Variants in VIPR2 observed in about 807,000 individuals in gnomAD.
VIPR2 encodes the protein vasoactive intestinal peptide receptor 2.
In VIPR2, 48 loss-of-function variants were observed where a neutral mutation model predicts 58.0. That is an observed-to-expected ratio of 0.83 (90% CI 0.66 to 1.05). The LOEUF (loss-of-function observed/expected upper bound fraction) is 1.05. Among genes scored for constraint, VIPR2 ranks in the 50% least tolerant of loss-of-function variants. The pLI is 0.00. For missense variants in VIPR2, 534 were observed against 558.0 expected, an observed-to-expected ratio of 0.96 and a Z score of 0.43; for synonymous variants, 243 against 235.2, an observed-to-expected ratio of 1.03 and a Z score of -0.30.
At chr7:159,044,754 G>A (rs1401648565) in intron 5 of VIPR2, among the ~76,000 whole-genome samples, 2 of 151,964 alleles carry the variant, frequency 1.3e-5, no homozygotes, top group African/African-American at 4.8e-5. Context: ...AAGATTCACT[G>A]GGGTAGGCCA....
At chr7:159,111,525 C>T (rs1796001682) in intron 2 of VIPR2, among the ~76,000 whole-genome samples, 1 of 151,688 alleles carries the variant, frequency 6.6e-6, no homozygotes, top group Non-Finnish European at 1.5e-5. Context: ...ACTAAAAATA[C>T]AAAAATTAGC....
intron 2 of VIPR2, among the ~76,000 whole-genome samples, chr7:159,111,816 G>T (rs936478703): frequency 1.3e-5 from 2 of 152,100 alleles, no homozygotes; most frequent in Non-Finnish European, 2.9e-5. Flanking sequence ...CAAGACCAGC[G>T]TGGGCAACAT....
Position 159,032,035 on chromosome 7 carries a change from G to A in VIPR2, c.1004C>T (p.Pro335Leu), listed in dbSNP as rs767952595. The A allele has an allele frequency of 3.1e-6, 5 of 1,614,074 alleles. No individual in the cohort carries two copies. In the Admixed American group the frequency reaches 5.0e-5, roughly 16 times the overall value. The change falls in exon 11 of 13, where the codon CCG (proline) becomes CTG (leucine). Residue 335 changes from proline (P) to leucine (L), a missense_variant. Around this residue, in one of 3 missense-constraint regions of VIPR2, gnomAD observed 306 missense variants for 285.8 expected, o/e 1.07. Coordinates refer to ENST00000262178, the MANE Select transcript of VIPR2 (RefSeq NM_003382.5). ...RLAKSTLLLI[P>L]LFGVHYMVFA... ...CACCATGTAGTGGACGCCGAACAGC[G>A]GGATAAGCAGGAGCGTGGACTTGGC...
chr7:159,065,515 C>A (rs1200238265), intron 4 of VIPR2, among the ~76,000 whole-genome samples: 2 of 152,212 alleles, frequency 1.3e-5, no homozygotes, highest in East Asian at 3.9e-4. Flanking sequence ...GGATTCTCTG[C>A]GTTTAAGCTC....
chr7:159,142,072 C>T (rs1393350338), intron 2 of VIPR2, among the ~76,000 whole-genome samples: 1 of 152,210 alleles, frequency 6.6e-6, no homozygotes, highest in Non-Finnish European at 1.5e-5. Flanking sequence ...AGATCAAAAT[C>T]ATCTGTCCTA....
At chr7:159,071,470 T>C (rs957866885) in intron 4 of VIPR2, among the ~76,000 whole-genome samples, 1 of 152,204 alleles carries the variant, frequency 6.6e-6, no homozygotes, top group Non-Finnish European at 1.5e-5. Flanking sequence ...GGCTTTTCCA[T>C]GGGCATCGCG....
intron 2 of VIPR2, among the ~76,000 whole-genome samples, chr7:159,119,798 G>A (rs947644344): frequency 1.3e-5 from 2 of 152,214 alleles, no homozygotes; most frequent in Admixed American, 1.3e-4. Context: ...TTCCTACCCA[G>A]AGCTGTCCAG....
chr7:159,066,376 T>G (rs1856094064), intron 4 of VIPR2, among the ~76,000 whole-genome samples: 1 of 150,362 alleles, frequency 6.7e-6, no homozygotes, highest in African/African-American at 2.5e-5. Context: ...ACACCATCCG[T>G]GGGATTCTAG....
chr7:159,085,185 A>G lies in VIPR2; in HGVS notation c.357+18572T>C, dbSNP rs1857107760. On this transcript the variant is annotated intron_variant, in intron 4 of 12. Coordinates refer to ENST00000262178, the MANE Select transcript of VIPR2 (RefSeq NM_003382.5). ...GTCAGGACCATCGTCATGATGGTGCAGCATTTTGCAATTTACAAAACGAAT... is the reference window on the plus strand; with the variant it reads ...GTCAGGACCATCGTCATGATGGTGCGGCATTTTGCAATTTACAAAACGAAT... 2.0e-5 allele frequency among the ~76,000 whole-genome samples: 3 copies of G among 152,236 alleles called. No homozygotes were observed. In the South Asian group the frequency reaches 6.2e-4, roughly 31 times the overall value.
At chr7:159,104,535 T>C (rs1187221370) in intron 3 of VIPR2, among the ~76,000 whole-genome samples, 3 of 101,050 alleles carry the variant, frequency 3.0e-5, no homozygotes, top group African/African-American at 4.0e-5. Context: ...GCACCCTCCC[T>C]CCTCCCAGCA....
At chr7:159,058,340 A>G (rs2129493997) in intron 5 of VIPR2, 141 bp downstream of exon 5, 2 of 688,772 alleles carry the variant, frequency 2.9e-6, no homozygotes, top group East Asian at 2.5e-5. Context: ...TGTTAACATC[A>G]TATTTAATGG....
chr7:159,140,358 T>C (rs1426583939), intron 2 of VIPR2, among the ~76,000 whole-genome samples: 3 of 152,202 alleles, frequency 2.0e-5, no homozygotes, highest in Admixed American at 1.3e-4. Flanking sequence ...TAGATTCCGG[T>C]TCACATCGCT....
chr7:159,103,778 G>A lies in VIPR2; in HGVS notation c.336C>T (p.Ser112=), dbSNP rs759467016. 16 of 1,613,930 alleles carry A rather than the reference G, an allele frequency of 9.9e-6. No individual in the cohort carries two copies. The African/African-American group carries it at 1.2e-4, about 12-fold the overall frequency. ...CTACCTTGCTCTCATCCTCCGGGTC[G>A]CTGTAGCCACAGGCATCGACGAAAT... ...FPDFVDACGY[S]DPEDESKITF... is the part of the protein sequence containing the mutation. The change falls in exon 4 of 13, where the codon AGC becomes AGT. Residue 112 remains serine (S), a synonymous_variant. Coordinates refer to ENST00000262178, the MANE Select transcript of VIPR2 (RefSeq NM_003382.5).
At chr7:159,062,202 G>A (rs576708012) in intron 4 of VIPR2, among the ~76,000 whole-genome samples, 35 of 152,336 alleles carry the variant, frequency 2.3e-4, no homozygotes, top group Non-Finnish European at 4.1e-4. Flanking sequence ...ACACCCCGAA[G>A]GGTTCAGCCT....
At chr7:159,075,303 A>G (rs1030503766) in intron 4 of VIPR2, among the ~76,000 whole-genome samples, 3 of 152,242 alleles carry the variant, frequency 2.0e-5, no homozygotes, top group African/African-American at 7.2e-5. Flanking sequence ...ACACCTCAGC[A>G]CATTGTAGCC....
intron 3 of VIPR2, among the ~76,000 whole-genome samples, chr7:159,108,659 G>A (rs1795867566): frequency 6.6e-6 from 1 of 152,220 alleles, no homozygotes; most frequent in Admixed American, 6.5e-5. Flanking sequence ...CTGTCTGGCA[G>A]AGGCTGGACT....
intron 2 of VIPR2, among the ~76,000 whole-genome samples, chr7:159,110,411 G>T (rs1324802752): frequency 6.6e-6 from 1 of 152,204 alleles, no homozygotes; most frequent in African/African-American, 2.4e-5. Flanking sequence ...CAAATAATTT[G>T]CATAATGCAT....
At chr7:159,048,607 T>A (rs765758099) in intron 5 of VIPR2, among the ~76,000 whole-genome samples, 3 of 152,258 alleles carry the variant, frequency 2.0e-5, no homozygotes, top group African/African-American at 4.8e-5. Context: ...ACTGATTACA[T>A]ATTGAAGTAG....
At chr7:159,110,573 G>T (rs1306418371) in intron 2 of VIPR2, among the ~76,000 whole-genome samples, 1 of 68,658 alleles carries the variant, frequency 1.5e-5, no homozygotes, top group Non-Finnish European at 2.7e-5. Context: ...GTGATGGAAT[G>T]CATGTTAAAC....
Sources: gnomAD v4.1 joint callset for allele counts (sites outside exome capture counted in the v4.1 genomes callset) on GRCh38, gnomAD v4.1.1 for gene constraint, gnomAD v4.1.1 regional missense constraint, MANE v1.5 for transcripts, NCBI Gene and HGNC (gene_info 2026-07-23, HGNC 2026-07-21) for gene names.